Variants in TRAPPC11 observed in about 807,000 individuals in gnomAD.
TRAPPC11 encodes the protein foie gras homolog.
A neutral mutation model predicts 151.2 loss-of-function variants in TRAPPC11; 104 were observed. That is an observed-to-expected ratio of 0.69 (90% confidence interval 0.59 to 0.81). The LOEUF (loss-of-function observed/expected upper bound fraction) is 0.81, where lower values mean the gene tolerates loss of function less well. Ranked by LOEUF, TRAPPC11 falls within the 30% of genes least tolerant of loss-of-function variation. The pLI is 0.00. For synonymous variants in TRAPPC11, 456 were observed against 472.3 expected, an observed-to-expected ratio of 0.97 and a Z score of 0.45; for missense variants, 1,230 against 1,349.6, an observed-to-expected ratio of 0.91 and a Z score of 1.39.
chr4:183,679,403 G>C lies in TRAPPC11; in HGVS notation c.882G>C (p.Gln294His). 1 of 1,613,106 alleles carries C rather than the reference G, an allele frequency of 6.2e-7. No homozygotes were observed. Among genetic ancestry groups the C allele is most frequent in the South Asian group, 1.1e-5 (1 of 90,930 alleles). The change falls in exon 9 of 30, where the codon CAG (glutamine) becomes CAC (histidine). Residue 294 changes from glutamine to histidine, a missense_variant. Physicochemically the swap from Gln to His is conservative, Grantham distance 24 (BLOSUM62 0). Transcript: ENST00000334690. ...ACACCCCATTGGATGCAATTGCTCA[G>C]TTCCGAAAACACATCGACTTGTGTA... ...QHNTPLDAIAQFRKHIDLCKK... is the reference protein window; with the variant it reads ...QHNTPLDAIAHFRKHIDLCKK...
intron 11 of TRAPPC11, 129 bp from the exon 12 acceptor site, chr4:183,683,846 T>C (rs1735822997): frequency 1.4e-5 from 11 of 763,132 alleles, no homozygotes; most frequent in Non-Finnish European, 2.4e-5. Context: ...CCTTTACGAT[T>C]CTAGAATGTT....
At chr4:183,709,145 C>T (rs1007813241) in intron 29 of TRAPPC11, among the ~76,000 whole-genome samples, 2 of 152,194 alleles carry the variant, frequency 1.3e-5, no homozygotes, top group Non-Finnish European at 2.9e-5. Context: ...TAAGAGCCAT[C>T]TCTCCACATG....
At chr4:183,674,029 A>G (rs1187589544) in intron 5 of TRAPPC11, among the ~76,000 whole-genome samples, 1 of 152,210 alleles carries the variant, frequency 6.6e-6, no homozygotes, top group Admixed American at 6.5e-5. Flanking sequence ...TCACCAAAAA[A>G]CTGAAATCTA....
chr4:183,701,460 C>A, intron 25 of TRAPPC11: 1 of 409,908 alleles, frequency 2.4e-6, no homozygotes, highest in South Asian at 4.2e-5. Context: ...GACTTTCTTG[C>A]AGATATACAG....
intron 6 of TRAPPC11, 81 bp downstream of exon 6, chr4:183,674,893 A>G (rs1255295029): frequency 1.2e-6 from 1 of 842,256 alleles, no homozygotes; most frequent in East Asian, 2.8e-5. Context: ...TGTTCTTAAT[A>G]CTTTAATGTT....
chr4:183,704,944 A>G, intron 26 of TRAPPC11, 35 bp from the exon 27 acceptor site: 1 of 1,395,120 alleles, frequency 7.2e-7, no homozygotes, highest in Non-Finnish European at 1.0e-6. Flanking sequence ...AAGATGTTTA[A>G]AAAGAGTTTA....
At position 183,663,152 on chromosome 4, in the gene TRAPPC11, C is replaced by T. The variant is rs190217494; in HGVS notation, c.-21-695C>T. ...CGTGATCTTGGCTCACTGGAGCCTC[C>T]GCCTCCTGGGTTCAAGTGATTCTCC... is the stretch of plus-strand genomic sequence containing the variant. On this transcript the variant is annotated intron_variant, in intron 1 of 29. Coordinates refer to ENST00000334690, the MANE Select transcript of TRAPPC11 (RefSeq NM_021942.6). Among the ~76,000 whole-genome samples, 332 of 152,136 alleles carry T rather than the reference C, an allele frequency of 2.2e-3. 3 individuals are homozygous for T. Among genetic ancestry groups the T allele is most frequent in the Admixed American group, 0.02 (304 of 15,284 alleles).
intron 26 of TRAPPC11, among the ~76,000 whole-genome samples, chr4:183,703,568 G>A (rs1487054452): frequency 1.3e-5 from 2 of 152,210 alleles, no homozygotes; most frequent in East Asian, 1.9e-4. Flanking sequence ...CACAAAGGGT[G>A]TGTGTATAAG....
Position 183,677,487 on chromosome 4 carries a change from A to G in TRAPPC11, c.764A>G (p.His255Arg). The change falls in exon 8 of 30, where the codon CAC becomes CGC. Residue 255 changes from histidine to arginine, a missense_variant. Transcript: ENST00000334690. ...KNYRTAYNLV[H>R]ELRAHETNIL... ...TATAGGACCGCCTATAATCTTGTAC[A>G]CGAATTGAGAGCCCATGAAACTAAT... 2 of 1,608,894 alleles carry G rather than the reference A, an allele frequency of 1.2e-6. No individual in the cohort carries two copies. The highest frequency in any genetic ancestry group is 1.7e-6 in the Non-Finnish European group (2 of 1,175,586).
chr4:183,679,464 C>A lies in TRAPPC11; in HGVS notation c.943C>A (p.His315Asn). The A allele has an allele frequency of 6.2e-7, 1 of 1,611,048 alleles. No individual in the cohort carries two copies. The highest frequency in any genetic ancestry group is 1.1e-5 in the South Asian group (1 of 90,574). The change falls in exon 9 of 30, where the codon CAT becomes AAT. Residue 315 changes from histidine (H) to asparagine (N), a missense_variant. Transcript: ENST00000334690. ...KIGSAELSFE[H>N]DAWMSKQFQA... ...TGGAAGTGCAGAGCTGTCTTTTGAG[C>A]ATGATGCATGGATGTCTAAACAGTA...
rs1378681532 is a variant in TRAPPC11 at position 183,705,172 on chromosome 4, T to G, written c.3055+102T>G. On this transcript the variant is annotated intron_variant, in intron 27 of 29. Coordinates refer to ENST00000334690, the MANE Select transcript of TRAPPC11 (RefSeq NM_021942.6). ...TTTAACATTCTATTTAGAAAGTTTT[T>G]CAGCATTTGTAAAAGTAGCTTATGG... The G allele has an allele frequency of 6.1e-6, 5 of 823,822 alleles. No individual in the cohort carries two copies. In the East Asian group the frequency reaches 1.4e-4, roughly 22 times the overall value. 51.0% of individuals were successfully genotyped at this position (823,822 alleles called of 1,614,324 possible).
At chr4:183,663,500 T>C (rs1205978206) in intron 1 of TRAPPC11, among the ~76,000 whole-genome samples, 1 of 152,150 alleles carries the variant, frequency 6.6e-6, no homozygotes, top group Non-Finnish European at 1.5e-5. Context: ...CCCAAAGTGC[T>C]GGGATTACAG....
At chr4:183,677,825 T>G (rs547519171) in intron 8 of TRAPPC11, among the ~76,000 whole-genome samples, 3 of 152,110 alleles carry the variant, frequency 2.0e-5, no homozygotes, top group Admixed American at 2.0e-4. Context: ...CAAGGAGGAG[T>G]TGAGAAGAAA....
At position 183,680,101 on chromosome 4, in the gene TRAPPC11, T is replaced by G. The variant is rs988004384; in HGVS notation, c.966-19T>G. The G allele has an allele frequency of 1.9e-6, 3 of 1,594,406 alleles. No individual in the cohort carries two copies. Among genetic ancestry groups the G allele is most frequent in the Non-Finnish European group, 2.6e-6 (3 of 1,171,702 alleles). On this transcript the variant is annotated intron_variant, in intron 9 of 29. Coordinates refer to ENST00000334690, the MANE Select transcript of TRAPPC11 (RefSeq NM_021942.6). ...TTTCTTTTCATTCCTCTTTATTTCT[T>G]GATTTTCTTTTCTTTAAGATTCCAG...
chr4:183,664,377 C>T (rs1014037253), intron 2 of TRAPPC11, among the ~76,000 whole-genome samples: 17 of 152,214 alleles, frequency 1.1e-4, no homozygotes, highest in African/African-American at 3.9e-4. Context: ...GCATTCCCCA[C>T]CATCATTACT....
chr4:183,706,328 C>T (rs1737064768), intron 27 of TRAPPC11, among the ~76,000 whole-genome samples: 1 of 152,218 alleles, frequency 6.6e-6, no homozygotes, highest in South Asian at 2.1e-4. Flanking sequence ...TCGAGACCAT[C>T]CTGGCTAACA....
intron 18 of TRAPPC11, among the ~76,000 whole-genome samples, chr4:183,689,745 AT>A (rs1736161503): frequency 7.1e-6 from 1 of 141,052 alleles, no homozygotes; most frequent in African/African-American, 2.7e-5. Flanking sequence ...GGGGACTCTT[AT>A]TTTACTTTTC....
chr4:183,675,197 T>C lies in TRAPPC11; in HGVS notation c.694T>C (p.Phe232Leu). 1 of 1,545,750 alleles carries C rather than the reference T, an allele frequency of 6.5e-7. No individual in the cohort carries two copies. Among genetic ancestry groups the C allele is most frequent in the Non-Finnish European group, 8.7e-7 (1 of 1,145,334 alleles). The change falls in exon 7 of 30, where the codon TTC becomes CTC. Residue 232 changes from phenylalanine (F) to leucine (L), a missense_variant. By Grantham distance (22) the Phe-to-Leu change is conservative (BLOSUM62 0). Transcript: ENST00000334690. ...LFVRHQFKIA[F>L]FSELKQDTQN... ...TGTTAGGCATCAGTTCAAAATAGCT[T>C]TCTTCAGTGAGTTGAAACAAGATAC...
At chr4:183,662,770 A>G (rs1049472160) in intron 1 of TRAPPC11, among the ~76,000 whole-genome samples, 3 of 151,936 alleles carry the variant, frequency 2.0e-5, no homozygotes, top group Admixed American at 6.6e-5. Context: ...CTTTCAATAT[A>G]TTTTTCTTTT....
Sources: allele counts gnomAD v4.1 joint callset (sites outside exome capture counted in the v4.1 genomes callset), GRCh38; gene constraint gnomAD v4.1.1; transcripts MANE v1.5; gene names NCBI Gene and HGNC (gene_info 2026-07-23, HGNC 2026-07-21).